Variants in STXBP6 observed in about 807,000 individuals in gnomAD.
STXBP6 encodes the protein syntaxin binding protein 6.
STXBP6 carries 21 observed loss-of-function variants against 26.9 expected under a neutral mutation model. The observed-to-expected ratio is 0.78, with a 90% CI of 0.55 to 1.12. STXBP6 has a LOEUF of 1.12. Ranked by LOEUF, STXBP6 falls within the 50% of genes most tolerant of loss-of-function variation. STXBP6 has a pLI of 0.00. For missense variants in STXBP6, 232 were observed against 257.9 expected, an observed-to-expected ratio of 0.90 and a Z score of 0.69; for synonymous variants, 97 against 92.6, an observed-to-expected ratio of 1.05 and a Z score of -0.27.
At chr14:25,016,286 T>C (rs1270290459) in intron 1 of STXBP6, among the ~76,000 whole-genome samples, 9 of 152,174 alleles carry the variant, frequency 5.9e-5, no homozygotes. Flanking sequence ...ATTTTAAAGA[T>C]TGACTCTATT....
chr14:25,022,541 G>T (rs997249582), intron 1 of STXBP6, among the ~76,000 whole-genome samples: 6 of 152,156 alleles, frequency 3.9e-5, no homozygotes, highest in Non-Finnish European at 7.3e-5. Flanking sequence ...GGAGGACAGA[G>T]AATTTCTCAA....
At position 24,819,020 on chromosome 14, in the gene STXBP6, C is replaced by A. The variant is rs746446038; in HGVS notation, c.609+17G>T. The A allele has an allele frequency of 6.4e-7, 1 of 1,557,826 alleles. No individual in the cohort carries two copies. Among genetic ancestry groups the A allele is most frequent in the African/African-American group, 1.4e-5 (1 of 73,400 alleles). On this transcript the variant is annotated intron_variant, in intron 5 of 5. Transcript: ENST00000323944. ...CAACACCCCAGAGCTGAGAAGCCTG[C>A]TCCTCTCTTGGCCCACCTTGTGCGC...
intron 1 of STXBP6, among the ~76,000 whole-genome samples, chr14:25,032,178 G>A (rs1171960959): frequency 2.6e-5 from 4 of 152,152 alleles, no homozygotes; most frequent in South Asian, 4.1e-4. Flanking sequence ...CCAACACCGC[G>A]AAGGCATTCT....
intron 4 of STXBP6, among the ~76,000 whole-genome samples, chr14:24,832,346 C>T (rs997027222): frequency 6.6e-6 from 1 of 152,192 alleles, no homozygotes; most frequent in Non-Finnish European, 1.5e-5. Flanking sequence ...GCTTGAGCAT[C>T]ACTTATTGTT....
intron 2 of STXBP6, among the ~76,000 whole-genome samples, chr14:24,949,327 C>A (rs2073090584): frequency 6.6e-6 from 1 of 152,162 alleles, no homozygotes; most frequent in African/African-American, 2.4e-5. Context: ...GTTTTTAAAT[C>A]TTCATAATTT....
intron 4 of STXBP6, among the ~76,000 whole-genome samples, chr14:24,834,766 T>G (rs969319484): frequency 2.6e-5 from 4 of 152,134 alleles, no homozygotes; most frequent in Admixed American, 6.5e-5. Flanking sequence ...TAAGAGACAC[T>G]GAGGGAGACC....
At chr14:24,938,273 C>A (rs2072673337) in intron 2 of STXBP6, among the ~76,000 whole-genome samples, 1 of 152,142 alleles carries the variant, frequency 6.6e-6, no homozygotes, top group South Asian at 2.1e-4. Context: ...CTGTCCCCTG[C>A]CCACCTAGGC....
At chr14:24,943,891 G>C (rs1030569532) in intron 2 of STXBP6, among the ~76,000 whole-genome samples, 2 of 152,210 alleles carry the variant, frequency 1.3e-5, no homozygotes, top group African/African-American at 4.8e-5. Flanking sequence ...GTAATTTGGT[G>C]ATTTGAAATA....
At chr14:24,889,171 T>C (rs2070698126) in intron 2 of STXBP6, among the ~76,000 whole-genome samples, 1 of 151,828 alleles carries the variant, frequency 6.6e-6, no homozygotes, top group Non-Finnish European at 1.5e-5. Context: ...GGTCCTCTTC[T>C]TAAATATGAG....
At chr14:24,936,079 T>C (rs2072586439) in intron 2 of STXBP6, among the ~76,000 whole-genome samples, 1 of 152,216 alleles carries the variant, frequency 6.6e-6, no homozygotes, top group East Asian at 1.9e-4. Flanking sequence ...GGCTTATTTT[T>C]TGTGTCTGTA....
intron 4 of STXBP6, among the ~76,000 whole-genome samples, chr14:24,837,679 C>G (rs1448586428): frequency 6.6e-6 from 1 of 152,134 alleles, no homozygotes; most frequent in Non-Finnish European, 1.5e-5. Context: ...AAGGCTAGGA[C>G]AGAATTAATC....
intron 1 of STXBP6, among the ~76,000 whole-genome samples, chr14:25,044,937 T>C (rs959152608): frequency 2.0e-5 from 3 of 152,248 alleles, no homozygotes; most frequent in African/African-American, 7.2e-5. Context: ...ATTATCACAG[T>C]CCAGCTCCTT....
chr14:24,946,397 T>C (rs543161843), intron 2 of STXBP6, among the ~76,000 whole-genome samples: 26 of 152,040 alleles, frequency 1.7e-4, no homozygotes, highest in Non-Finnish European at 2.8e-4. Context: ...GTACAGGAGA[T>C]CTGCAATGGA....
At chr14:24,854,585 T>C (rs1475063400) in intron 4 of STXBP6, among the ~76,000 whole-genome samples, 2 of 152,072 alleles carry the variant, frequency 1.3e-5, no homozygotes, top group African/African-American at 4.8e-5. Context: ...CTCCACCTAA[T>C]GAAGAATGAG....
chr14:24,899,231 G>A (rs2071113637), intron 2 of STXBP6, among the ~76,000 whole-genome samples: 1 of 152,110 alleles, frequency 6.6e-6, no homozygotes, highest in Non-Finnish European at 1.5e-5. Context: ...TAAAATTAAA[G>A]CACTATATTA....
At chr14:24,812,874 T>C in intron 5 of STXBP6, 142 bp from the exon 6 acceptor site, 1 of 760,998 alleles carries the variant, frequency 1.3e-6, no homozygotes, top group Non-Finnish European at 2.3e-6. Context: ...CCGTTACTAA[T>C]TACAGTAGCA....
intron 2 of STXBP6, among the ~76,000 whole-genome samples, chr14:24,880,422 T>C (rs2070316468): frequency 6.6e-6 from 1 of 152,156 alleles, no homozygotes; most frequent in Admixed American, 6.5e-5. Context: ...GTGCCACAGG[T>C]ACAACAGAGG....
chr14:24,883,181 T>C (rs2070437275), intron 2 of STXBP6, among the ~76,000 whole-genome samples: 1 of 152,202 alleles, frequency 6.6e-6, no homozygotes, highest in Non-Finnish European at 1.5e-5. Context: ...CACATAGATA[T>C]GGTGTTCCTC....
At chr14:25,034,166 C>T (rs546011193) in intron 1 of STXBP6, among the ~76,000 whole-genome samples, 2 of 152,212 alleles carry the variant, frequency 1.3e-5, no homozygotes, top group South Asian at 2.1e-4. Context: ...AAGGAGGTAC[C>T]GGTAATAATA....
Sources: gnomAD v4.1 joint callset for allele counts (sites outside exome capture counted in the v4.1 genomes callset) on GRCh38, gnomAD v4.1.1 for gene constraint, MANE v1.5 for transcripts, NCBI Gene and HGNC (gene_info 2026-07-23, HGNC 2026-07-21) for gene names.